Variants in DTNA observed in about 807,000 individuals in gnomAD.
The protein encoded by DTNA is dystrobrevin alpha.
A neutral mutation model predicts 100.7 loss-of-function variants in DTNA; 43 were observed. The observed-to-expected ratio is 0.43, with a 90% CI of 0.33 to 0.55. The LOEUF (loss-of-function observed/expected upper bound fraction) is 0.55. DTNA is among the 20% of genes least tolerant of loss of function. The pLI is 0.04. For synonymous variants in DTNA, 349 were observed against 347.9 expected (o/e 1.00, Z -0.04); for missense variants, 798 against 953.9 (o/e 0.84, Z 2.15).
intron 16 of DTNA, 111 bp from the exon 17 acceptor site, chr18:34,863,855 A>G: frequency 9.8e-7 from 1 of 1,015,590 alleles, no homozygotes; most frequent in Non-Finnish European, 1.5e-6. Context: ...TAACCTTGTC[A>G]GAGACCCAGA....
At chr18:34,672,060 G>T (rs1000649697) in intron 1 of DTNA, among the ~76,000 whole-genome samples, 1 of 152,238 alleles carries the variant, frequency 6.6e-6, no homozygotes, top group Admixed American at 6.5e-5. Flanking sequence ...AATTTGGTGG[G>T]TATAATGAGA....
chr18:34,709,097 C>T (rs2082471174), upstream of DTNA, among the ~76,000 whole-genome samples: 1 of 151,696 alleles, frequency 6.6e-6, no homozygotes, highest in South Asian at 2.1e-4. Flanking sequence ...CCACAGCAAG[C>T]CATGCTCTGA....
intron 1 of DTNA, among the ~76,000 whole-genome samples, chr18:34,695,613 T>C (rs2080421051): frequency 6.6e-6 from 1 of 152,202 alleles, no homozygotes; most frequent in African/African-American, 2.4e-5. Flanking sequence ...ATCCCAGACA[T>C]TTCTAATGGG....
intron 1 of DTNA, among the ~76,000 whole-genome samples, chr18:34,729,049 A>G (rs985592316): frequency 1.3e-5 from 2 of 152,146 alleles, no homozygotes; most frequent in Admixed American, 1.3e-4. Flanking sequence ...AGAGAGTCCC[A>G]GAGAAGTCAC....
intron 17 of DTNA, among the ~76,000 whole-genome samples, chr18:34,865,902 A>G (rs1160324014): frequency 1.3e-5 from 2 of 152,218 alleles, no homozygotes; most frequent in Non-Finnish European, 2.9e-5. Context: ...ATTGTGTTGA[A>G]AAATGGTTGT....
At chr18:34,609,363 G>A (rs1265891135) in intron 1 of DTNA, among the ~76,000 whole-genome samples, 5 of 150,950 alleles carry the variant, frequency 3.3e-5, no homozygotes, top group African/African-American at 1.2e-4. Context: ...TCCTGCCTCA[G>A]CCTCCCGAGC....
chr18:34,652,264 T>C (rs1438372955), intron 1 of DTNA, among the ~76,000 whole-genome samples: 2 of 151,874 alleles, frequency 1.3e-5, no homozygotes, highest in South Asian at 4.2e-4. Context: ...CACTTGGAGG[T>C]GAAAGAAAAT....
At chr18:34,798,144 C>T (rs188521398) in intron 4 of DTNA, among the ~76,000 whole-genome samples, 3 of 152,204 alleles carry the variant, frequency 2.0e-5, no homozygotes, top group Non-Finnish European at 4.4e-5. Context: ...GGACTACAGG[C>T]GTGCACCACC....
At chr18:34,709,434 A>G (rs1053721416), upstream of DTNA, 2 of 152,246 alleles carry the variant, frequency 1.3e-5, no homozygotes, top group African/African-American at 4.8e-5. Context: ...AGGAAGGACC[A>G]TGCTGACATG....
chr18:34,851,766 C>T (rs1355140215), intron 14 of DTNA, 65 bp from the exon 15 acceptor site: 12 of 1,533,968 alleles, frequency 7.8e-6, no homozygotes, highest in Non-Finnish European at 1.1e-5. Flanking sequence ...CTCATGACTC[C>T]TGCCTTCCCA....
chr18:34,764,397 A>G (rs1383289), intron 2 of DTNA, among the ~76,000 whole-genome samples: 105,550 of 152,160 alleles, frequency 0.69, 37,751 homozygotes, highest in East Asian at 0.91. Context: ...AATCTTCTCT[A>G]TCATTGGAAA....
chr18:34,651,590 G>A (rs1314360306), intron 1 of DTNA, among the ~76,000 whole-genome samples: 4 of 152,150 alleles, frequency 2.6e-5, no homozygotes, highest in Non-Finnish European at 5.9e-5. Context: ...GCTATGTACT[G>A]GAAATACAGC....
intron 1 of DTNA, among the ~76,000 whole-genome samples, chr18:34,549,073 A>T (rs1202697023): frequency 2.6e-5 from 4 of 152,088 alleles, no homozygotes; most frequent in South Asian, 4.1e-4. Context: ...AAGAAATGTC[A>T]TCTAGAGCTC....
chr18:34,794,271 T>C, intron 4 of DTNA, 21 bp downstream of exon 4: 1 of 1,613,808 alleles, frequency 6.2e-7, no homozygotes. Context: ...TCTGAATGTC[T>C]GTTCCTCTCT....
intron 1 of DTNA, among the ~76,000 whole-genome samples, chr18:34,556,510 G>C (rs371076924): frequency 6.6e-6 from 1 of 151,756 alleles, no homozygotes; most frequent in East Asian, 1.9e-4. Context: ...GGCTGGTACC[G>C]GTTGTTCCTT....
chr18:34,544,108 T>C (rs1033237503), intron 1 of DTNA, among the ~76,000 whole-genome samples: 3 of 152,096 alleles, frequency 2.0e-5, no homozygotes, highest in African/African-American at 4.8e-5. Flanking sequence ...AGTGAGAAGA[T>C]TGTGCAGATT....
chr18:34,832,542 A>G (rs921683737), intron 11 of DTNA, among the ~76,000 whole-genome samples: 4 of 152,184 alleles, frequency 2.6e-5, no homozygotes, highest in African/African-American at 9.7e-5. Context: ...CTCCTGACAA[A>G]AGTGCAATTG....
At chr18:34,829,071 G>C in intron 10 of DTNA, 1 of 1,614,122 alleles carries the variant, frequency 6.2e-7, no homozygotes, top group African/African-American at 1.3e-5. Context: ...GATGCGTCTA[G>C]ATGGATAACA....
intron 1 of DTNA, chr18:34,755,380 C>A (rs1486061819): frequency 6.5e-6 from 1 of 153,592 alleles, no homozygotes; most frequent in Non-Finnish European, 1.4e-5. Flanking sequence ...ATCTAACCAC[C>A]TTGCATGAAG....
Sources: gnomAD v4.1 joint callset for allele counts (sites outside exome capture counted in the v4.1 genomes callset) on GRCh38, gnomAD v4.1.1 for gene constraint, MANE v1.5 for transcripts, NCBI Gene and HGNC (gene_info 2026-07-23, HGNC 2026-07-21) for gene names.